Variants in DNAH7 observed in about 807,000 individuals in gnomAD.
DNAH7 encodes dynein axonemal heavy chain 7.
DNAH7 carries 397 observed loss-of-function variants against 444.6 expected under a neutral mutation model. The observed-to-expected ratio is 0.89, with a 90% CI of 0.82 to 0.97. The LOEUF (loss-of-function observed/expected upper bound fraction) is 0.97, where lower values mean the gene tolerates loss of function less well. DNAH7 is among the 50% of genes least tolerant of loss of function. The pLI is 0.00. For missense variants in DNAH7, 4,902 were observed against 4,800.8 expected (o/e 1.02, Z -0.62); for synonymous variants, 1,636 against 1,624.4 (o/e 1.01, Z -0.17).
intron 23 of DNAH7, among the ~76,000 whole-genome samples, chr2:195,923,390 T>C (rs143486052): frequency 1.3e-5 from 2 of 152,200 alleles, no homozygotes; most frequent in South Asian, 4.1e-4. Context: ...CTTTTGAATA[T>C]AGATAAGGAT....
chr2:195,855,665 C>T (rs145120452), intron 45 of DNAH7, 146 bp downstream of exon 45: 7 of 748,660 alleles, frequency 9.4e-6, no homozygotes, highest in Admixed American at 2.5e-5. Flanking sequence ...CGAAAACAGG[C>T]GATGGGCAGA....
At chr2:195,869,496 C>T (rs971905188) in intron 40 of DNAH7, among the ~76,000 whole-genome samples, 124 of 151,612 alleles carry the variant, frequency 8.2e-4, no homozygotes, top group African/African-American at 2.9e-3. Context: ...ACATGTTGGA[C>T]GTTGGAAAAT....
chr2:195,779,999 T>TA (rs1421857112), intron 58 of DNAH7, among the ~76,000 whole-genome samples: 2 of 152,226 alleles, frequency 1.3e-5, no homozygotes, highest in Non-Finnish European at 2.9e-5. Context: ...TACTTAGTTT[T>TA]AAAAAGTATT....
chr2:196,014,507 T>A (rs1282919457), intron 9 of DNAH7, among the ~76,000 whole-genome samples: 1 of 152,130 alleles, frequency 6.6e-6, no homozygotes, highest in Non-Finnish European at 1.5e-5. Context: ...ATTGGTCACA[T>A]ATCCCTCCTG....
Position 195,972,300 on chromosome 2 carries a change from A to G in DNAH7, c.2000T>C (p.Phe667Ser), listed in dbSNP as rs1191961659. The G allele has an allele frequency of 1.2e-6, 2 of 1,614,160 alleles. No homozygotes were observed. Among genetic ancestry groups the G allele is most frequent in the Admixed American group, 3.3e-5 (2 of 60,018 alleles). ...FQWYGRMGEI[F>S]EEHRKIIKEK... ...TTTAATGATTTTCCTGTGTTCTTCAAAAATTTCTCCCATCCTTCCATACCA... is the reference window on the plus strand; with the variant it reads ...TTTAATGATTTTCCTGTGTTCTTCAGAAATTTCTCCCATCCTTCCATACCA... The change falls in exon 16 of 65, where the codon TTT becomes TCT. Residue 667 changes from phenylalanine (F) to serine (S), a missense_variant. Phe to Ser is a radical substitution (Grantham distance 155). Transcript: ENST00000312428.
intron 61 of DNAH7, among the ~76,000 whole-genome samples, chr2:195,764,187 C>G (rs1192964708): frequency 6.6e-6 from 1 of 151,692 alleles, no homozygotes; most frequent in Admixed American, 6.6e-5. Context: ...ATTCAACATC[C>G]CTTAATGATT....
intron 9 of DNAH7, among the ~76,000 whole-genome samples, chr2:196,018,700 A>C (rs1407658498): frequency 6.6e-6 from 1 of 152,166 alleles, no homozygotes; most frequent in African/African-American, 2.4e-5. Context: ...AATTGGGTTA[A>C]TGGGTACAAG....
In DNAH7 at chr2:195,939,472, A is replaced by T. The variant is rs117740096; in HGVS notation, c.3079-2680T>A. On this transcript the variant is annotated intron_variant, in intron 19 of 64. Coordinates refer to ENST00000312428, the MANE Select transcript of DNAH7 (RefSeq NM_018897.3). ...TCATACAGGGAAACTCAAGGAATGTACAAGCCTCCATGTCACAGAAGGCTG... is the reference window on the plus strand; with the variant it reads ...TCATACAGGGAAACTCAAGGAATGTTCAAGCCTCCATGTCACAGAAGGCTG... 4.1e-4 allele frequency among the ~76,000 whole-genome samples: 63 copies of T among 152,268 alleles called. No individual in the cohort carries two copies. In the East Asian group the frequency reaches 5.2e-3, roughly 13 times the overall value.
At chr2:195,797,197 C>T (rs1696186839) in intron 55 of DNAH7, among the ~76,000 whole-genome samples, 1 of 152,178 alleles carries the variant, frequency 6.6e-6, no homozygotes, top group Non-Finnish European at 1.5e-5. Context: ...TTTAAAATTG[C>T]CACTGATTCC....
At chr2:195,889,044 C>A in intron 31 of DNAH7, 63 bp from the exon 32 acceptor site, 2 of 1,428,528 alleles carry the variant, frequency 1.4e-6, no homozygotes, top group South Asian at 1.3e-5. Context: ...AGAAACAGTT[C>A]AATAATATTA....
chr2:196,049,765 C>T (rs775310090), intron 3 of DNAH7, among the ~76,000 whole-genome samples: 2 of 152,144 alleles, frequency 1.3e-5, no homozygotes, highest in Non-Finnish European at 2.9e-5. Context: ...TTATATGCTT[C>T]GCCCACAAGC....
At chr2:195,880,024 G>GT (rs1192117083) in intron 36 of DNAH7, among the ~76,000 whole-genome samples, 1 of 151,828 alleles carries the variant, frequency 6.6e-6, no homozygotes, top group Admixed American at 6.6e-5. Context: ...AGAATACTAC[G>GT]TTTTTTCATC....
At chr2:195,757,147 A>G (rs1166184340) in intron 61 of DNAH7, among the ~76,000 whole-genome samples, 1 of 152,204 alleles carries the variant, frequency 6.6e-6, no homozygotes, top group Admixed American at 6.5e-5. Context: ...CCAAGTTTTA[A>G]TAGAAAAATC....
At chr2:196,047,913 A>C (rs1291559046) in intron 4 of DNAH7, among the ~76,000 whole-genome samples, 1 of 152,102 alleles carries the variant, frequency 6.6e-6, no homozygotes, top group Non-Finnish European at 1.5e-5. Context: ...TAATAAAAAC[A>C]TTAAAATGAC....
chr2:195,756,264 C>A lies in DNAH7; in HGVS notation c.11455G>T (p.Asp3819Tyr). The change falls in exon 62 of 65, where the codon GAT (aspartate) becomes TAT (tyrosine). Residue 3819 changes from aspartate (D) to tyrosine (Y), a missense_variant. By Grantham distance (160) the Asp-to-Tyr change is radical. Transcript: ENST00000312428. ...ATGCTGCTAACCACTTCTTCAAGAT[C>A]TGTAGACATGACTGCAAGCCCCTGA... ...AIKGLAVMSTDLEEVVSSILN... is the reference protein window; with the variant it reads ...AIKGLAVMSTYLEEVVSSILN... The A allele has an allele frequency of 1.2e-6, 2 of 1,612,894 alleles. No homozygotes were observed. Among genetic ancestry groups the A allele is most frequent in the Non-Finnish European group, 1.7e-6 (2 of 1,179,208 alleles).
intron 2 of DNAH7, among the ~76,000 whole-genome samples, chr2:196,054,594 C>CCA (rs893940200): frequency 1.2e-4 from 18 of 152,096 alleles, no homozygotes; most frequent in African/African-American, 4.3e-4. Context: ...ACCCCTCACC[C>CCA]CACCCCACCT....
At chr2:195,836,178 G>T (rs1698362508) in intron 47 of DNAH7, among the ~76,000 whole-genome samples, 2 of 151,972 alleles carry the variant, frequency 1.3e-5, no homozygotes, top group Admixed American at 1.3e-4. Context: ...ATTTGATTAG[G>T]GCTCCCCCTT....
At chr2:195,763,107 G>A (rs1435063937) in intron 61 of DNAH7, among the ~76,000 whole-genome samples, 2 of 152,098 alleles carry the variant, frequency 1.3e-5, no homozygotes, top group Admixed American at 1.3e-4. Flanking sequence ...TGCTCCTGAA[G>A]ACCAGTGAAT....
intron 49 of DNAH7, among the ~76,000 whole-genome samples, chr2:195,822,815 A>G (rs1424005269): frequency 6.6e-6 from 1 of 152,048 alleles, no homozygotes; most frequent in East Asian, 1.9e-4. Flanking sequence ...TTACTTAAAC[A>G]TTTTTCTCTA....
Sources: allele counts gnomAD v4.1 joint callset (sites outside exome capture counted in the v4.1 genomes callset), GRCh38; gene constraint gnomAD v4.1.1; transcripts MANE v1.5; gene names NCBI Gene and HGNC (gene_info 2026-07-23, HGNC 2026-07-21).